Variants in PRPF40B observed in about 807,000 individuals in gnomAD.
PRPF40B encodes pre-mRNA processing factor 40B, also known as pre-mRNA-processing factor 40 homolog B.
Under a neutral mutation model 124.5 loss-of-function variants are expected in PRPF40B, and 56 were observed. That is an observed-to-expected ratio of 0.45 (90% CI 0.36 to 0.56). PRPF40B has a LOEUF of 0.56. Among genes scored for constraint, PRPF40B ranks in the 20% least tolerant of loss-of-function variants. The probability of loss-of-function intolerance (pLI) is 0.00; values close to 1 mark genes in which losing one functional copy is unlikely to be tolerated. For synonymous variants in PRPF40B, 443 were observed against 426.4 expected (o/e 1.04, Z -0.48); for missense variants, 1,053 against 1,169.5 (o/e 0.90, Z 1.45).
At chr12:49,633,756 G>A in intron 9 of PRPF40B, 95 bp downstream of exon 9, 3 of 1,606,780 alleles carry the variant, frequency 1.9e-6, no homozygotes, top group South Asian at 1.1e-5. Context: ...GGGAGGAAGA[G>A]CCAGCTCTGT....
intron 18 of PRPF40B, chr12:49,641,590 C>A: frequency 2.9e-6 from 1 of 339,908 alleles, no homozygotes; most frequent in Non-Finnish European, 5.5e-6. Context: ...TGCTGAGCAG[C>A]AGGAGGGCCC....
intron 1 of PRPF40B, among the ~76,000 whole-genome samples, chr12:49,625,655 G>A (rs551558086): frequency 6.6e-6 from 1 of 152,242 alleles, no homozygotes; most frequent in African/African-American, 2.4e-5. Flanking sequence ...TGGCCCAGGT[G>A]AACATATGAT....
rs926327767 is a variant in PRPF40B at position 49,643,703 on chromosome 12, G to A, written c.2393G>A (p.Arg798Gln). 6.8e-6 allele frequency: 11 copies of A among 1,613,892 alleles called. No homozygotes were observed. Among genetic ancestry groups the A allele is most frequent in the South Asian group, 5.5e-5 (5 of 91,052 alleles). ...SHLLGADHGLRKAKKPKKKTK... is the reference protein window; with the variant it reads ...SHLLGADHGLQKAKKPKKKTK... ...TTTCTATCTCTAGATCATGGCCTTC[G>A]GAAAGCCAAGAAACCAAAAAAGAAA... is the stretch of plus-strand genomic sequence containing the variant. The change falls in exon 24 of 26, where the codon CGG (arginine) becomes CAG (glutamine). Residue 798 changes from arginine to glutamine, a missense_variant. Transcript: ENST00000548825.
At chr12:49,623,208 G>A (rs185940627), upstream of PRPF40B, among the ~76,000 whole-genome samples, 116 of 152,178 alleles carry the variant, frequency 7.6e-4, no homozygotes, top group African/African-American at 2.4e-3. Flanking sequence ...CAGCGCAAAG[G>A]CACCCTACAC....
chr12:49,644,363 A>G lies in PRPF40B; in HGVS notation c.*171A>G. 4 of 735,874 alleles carry G rather than the reference A, an allele frequency of 5.4e-6. No individual in the cohort carries two copies. The highest frequency in any genetic ancestry group is 9.1e-6 in the Non-Finnish European group (4 of 437,180). The allele number at this position is 735,874 out of a possible 1,614,324, so 45.6% of individuals were successfully genotyped here. A position where few individuals can be genotyped will look rare whatever the true frequency, so the allele number is the denominator to read the frequency against. ...CTCTCAAGGTTGCTCTTGGTGTTCA[A>G]GGGTCCCCTACTCCCTGGACTAGTG... is the stretch of plus-strand genomic sequence containing the variant. On this transcript the variant is annotated 3_prime_UTR_variant, in exon 26 of 26. Transcript: ENST00000548825.
chr12:49,632,482 C>T (rs769443929), intron 4 of PRPF40B, 114 bp from the exon 5 acceptor site: 10 of 1,148,712 alleles, frequency 8.7e-6, no homozygotes, highest in Non-Finnish European at 1.2e-5. Context: ...GCAGAGATCT[C>T]TAGGAGCAGG....
rs1941189702 is a variant in PRPF40B at position 49,631,181 on chromosome 12, C to G, written c.85-220C>G. 1.3e-5 allele frequency among the ~76,000 whole-genome samples: 2 copies of G among 152,142 alleles called. No homozygotes were observed. Among genetic ancestry groups the G allele is most frequent in the Non-Finnish European group, 2.9e-5 (2 of 68,032 alleles). ...TTCCTTTCCCGTTACAATTAAGAAG[C>G]TGTGTGCTTGCCTGTTAGACCCCAG... On this transcript the variant is annotated intron_variant, in intron 2 of 25. Transcript: ENST00000548825. The surrounding 1 kb of genome is among the most constrained non-coding windows in gnomAD (Gnocchi z 4.3).
At chr12:49,632,167 A>G in intron 4 of PRPF40B, 2 of 605,950 alleles carry the variant, frequency 3.3e-6, no homozygotes, top group Non-Finnish European at 5.9e-6. Flanking sequence ...AGCTCCCTTA[A>G]GGAGCACACT....
chr12:49,636,611 A>C (rs1941841171), intron 15 of PRPF40B, 105 bp from the exon 16 acceptor site: 6 of 1,508,326 alleles, frequency 4.0e-6, no homozygotes, highest in Non-Finnish European at 4.5e-6. Context: ...CACCCTGGGT[A>C]TCCCTAGCAC....
Position 49,644,174 on chromosome 12 carries a change from G to T in PRPF40B, c.2661G>T (p.Gln887His). 6.2e-7 allele frequency: 1 copy of T among 1,614,118 alleles called. No individual in the cohort carries two copies. Residue 887 changes from glutamine (Q) to histidine (H), a missense_variant, in exon 26 of 26, where the codon CAG becomes CAT. This residue lies in a region of PRPF40B where 895 missense variants were observed against 1,052.2 expected (regional missense o/e 0.85). Coordinates refer to ENST00000548825, the MANE Select transcript of PRPF40B (RefSeq NM_001031698.3). ...LERRRRTLLQ[Q>H]LDDHQ ...GGCGGCGGCGGACACTCCTACAGCA[G>T]CTGGATGATCACCAGTGACCCAATG...
chr12:49,638,271 T>G (rs1001648496), intron 18 of PRPF40B: 1 of 153,996 alleles, frequency 6.5e-6, no homozygotes, highest in Non-Finnish European at 1.4e-5. Context: ...CTGTAAAAAT[T>G]TGGAATTTGT....
At chr12:49,639,731 T>C (rs529218309) in intron 18 of PRPF40B, 1 of 151,560 alleles carries the variant, frequency 6.6e-6, no homozygotes, top group Non-Finnish European at 1.5e-5. Context: ...AGTCACTAAG[T>C]AGAATTGATA....
rs370989934 is a variant in PRPF40B at position 49,644,114 on chromosome 12, G to A, written c.2601G>A (p.Thr867=). 9.2e-5 allele frequency: 148 copies of A among 1,614,212 alleles called. 1 individual carries two copies. The highest frequency in any genetic ancestry group is 1.6e-4 in the Middle Eastern group (1 of 6,062). ...TGCTCCAACAGACAGGCTGGGACAC[G>A]TCAGAAAGTGAGCTGAGTGAGGGTG... ...GIKKEKTGWD[T]SESELSEGEL... is the part of the protein sequence containing the mutation. The change falls in exon 26 of 26, where the codon ACG becomes ACA. Residue 867 remains threonine, a synonymous_variant. Transcript: ENST00000548825.
In PRPF40B at chr12:49,633,925, G is replaced by A. The variant is rs767435989; in HGVS notation, c.645G>A (p.Gln215=). 2.5e-6 allele frequency: 4 copies of A among 1,614,164 alleles called. No homozygotes were observed. In the Admixed American group the frequency reaches 5.0e-5, roughly 20 times the overall value. Residue 215 remains glutamine, a synonymous_variant, in exon 10 of 26, where the codon CAG becomes CAA. Coordinates refer to ENST00000548825, the MANE Select transcript of PRPF40B (RefSeq NM_001031698.3). ...AGCTGCCACAGACACTTCAGCCACA[G>A]CCACCTCAGCCACAGCCTGACCCCC... ...QQQLPQTLQP[Q]PPQPQPDPPP... is the part of the protein sequence containing the mutation.
Position 49,631,309 on chromosome 12 carries a change from G to A in PRPF40B, c.85-92G>A. ...TCAGAGCAGGGTGGAGGGTTGGGGAGGGAGGTGGTGGATATTTCCTGACAG... is the reference window on the plus strand; with the variant it reads ...TCAGAGCAGGGTGGAGGGTTGGGGAAGGAGGTGGTGGATATTTCCTGACAG... On this transcript the variant is annotated intron_variant, in intron 2 of 25. Coordinates refer to ENST00000548825, the MANE Select transcript of PRPF40B (RefSeq NM_001031698.3). This position sits in a 1 kb window ranked among gnomAD's most constrained non-coding sequence, Gnocchi z 4.3. 1 of 915,426 alleles carries A rather than the reference G, an allele frequency of 1.1e-6. No homozygotes were observed. The highest frequency in any genetic ancestry group is 2.1e-5 in the South Asian group (1 of 48,506). 56.7% of individuals were successfully genotyped at this position (915,426 alleles called of 1,614,324 possible).
At position 49,633,060 on chromosome 12, in the gene PRPF40B, A is replaced by G. The variant is rs1218907487; in HGVS notation, c.395A>G (p.Tyr132Cys). The G allele has an allele frequency of 6.5e-7, 1 of 1,531,512 alleles. No homozygotes were observed. The highest frequency in any genetic ancestry group is 1.5e-5 in the African/African-American group (1 of 66,202). The allele number at this position is 1,531,512 out of a possible 1,614,324, so 94.9% of individuals were successfully genotyped here. A position where few individuals can be genotyped will look rare whatever the true frequency, so the allele number is the denominator to read the frequency against. Reference sequence around the variant, plus strand: ...GTGGCCCCAGATGGGCGCATCTACTACTACAATGCTGACGACAAGCAGTCC... The same window carrying G: ...GTGGCCCCAGATGGGCGCATCTACTGCTACAATGCTGACGACAAGCAGTCC... ...EHVAPDGRIY[Y>C]YNADDKQSVW... Residue 132 changes from tyrosine to cysteine, a missense_variant, in exon 7 of 26, where the codon TAC (tyrosine) becomes TGC (cysteine). Physicochemically the swap from Tyr to Cys is radical, Grantham distance 194. Transcript: ENST00000548825.
chr12:49,636,490 C>T, intron 15 of PRPF40B: 1 of 528,438 alleles, frequency 1.9e-6, no homozygotes, highest in Non-Finnish European at 3.3e-6. Context: ...TAACTGAATT[C>T]ACAAGAGCTG....
rs1363028738 is a variant in PRPF40B at position 49,632,562 on chromosome 12, G to T, written c.295-34G>T. 4 of 1,611,202 alleles carry T rather than the reference G, an allele frequency of 2.5e-6. No homozygotes were observed. In the Admixed American group the frequency reaches 6.7e-5, roughly 27 times the overall value. On this transcript the variant is annotated intron_variant, in intron 4 of 25. Transcript: ENST00000548825. ...TGGGTCCTGGGGGCCACTGGGCTTG[G>T]CCCCAACCCTTCCCCCTCCTCTTTC...
chr12:49,632,999 C>CA lies in PRPF40B; in HGVS notation c.349-15_349-14insA, dbSNP rs1450786717. 2.2e-5 allele frequency: 11 copies of CA among 498,592 alleles called. No individual in the cohort carries two copies. Among genetic ancestry groups the CA allele is most frequent in the Middle Eastern group, 4.9e-4 (1 of 2,026 alleles). The allele number at this position is 498,592 out of a possible 1,614,324, so 30.9% of individuals were successfully genotyped here. ...GGGGCCTTGACCACCATTCTGTGCCCCCCCCCCCACCCAGAGGGCCCTATG... is the reference window on the plus strand; with the variant it reads ...GGGGCCTTGACCACCATTCTGTGCCCACCCCCCCCACCCAGAGGGCCCTATG... On this transcript the variant is annotated splice_polypyrimidine_tract_variant and intron_variant, in intron 6 of 25. Coordinates refer to ENST00000548825, the MANE Select transcript of PRPF40B (RefSeq NM_001031698.3).
Sources: allele counts gnomAD v4.1 joint callset (sites outside exome capture counted in the v4.1 genomes callset), GRCh38; gene constraint gnomAD v4.1.1; regional missense constraint gnomAD v4.1.1; non-coding constraint Gnocchi (gnomAD v3.1); transcripts MANE v1.5; gene names NCBI Gene and HGNC (gene_info 2026-07-23, HGNC 2026-07-21).